Variants in PRRG1 observed in about 807,000 individuals in gnomAD.
The protein encoded by PRRG1 is transmembrane gamma-carboxyglutamic acid protein 1.
In PRRG1, 5 loss-of-function variants were observed where a neutral mutation model predicts 11.8. The ratio of observed to expected loss-of-function variants is 0.42; its 90% CI spans 0.22 to 0.89. The LOEUF (loss-of-function observed/expected upper bound fraction) is 0.89. Among genes scored for constraint, PRRG1 ranks in the 40% least tolerant of loss-of-function variants. The pLI is 0.28. For missense variants in PRRG1, 155 were observed against 166.1 expected (o/e 0.93, Z 0.37); for synonymous variants, 66 against 60.4 (o/e 1.09, Z -0.43).
chrX:37,435,623 C>G (rs1569448555), intron 3 of PRRG1, among the ~76,000 whole-genome samples: 1 of 110,597 alleles, frequency 9.0e-6, no homozygotes, highest in African/African-American at 3.3e-5. Flanking sequence ...TCCATCACCG[C>G]AAACTCATAA....
At chrX:37,391,982 CTTG>C (rs1291504333) in intron 1 of PRRG1, among the ~76,000 whole-genome samples, 2 of 108,821 alleles carry the variant, frequency 1.8e-5, no homozygotes, top group Non-Finnish European at 3.8e-5. Context: ...ACTGGGCTTC[CTTG>C]TTTTTTTTTT....
intron 1 of PRRG1, among the ~76,000 whole-genome samples, chrX:37,371,010 A>T (rs925613910): frequency 9.0e-6 from 1 of 111,271 alleles, no homozygotes; most frequent in Non-Finnish European, 1.9e-5. Flanking sequence ...GTAGAAAGGG[A>T]TAGGTCACCA....
In PRRG1 at chrX:37,446,277, T is replaced by G. The variant is rs187519930; in HGVS notation, c.172-6859T>G. 1.3e-4 allele frequency among the ~76,000 whole-genome samples: 15 copies of G among 111,827 alleles called. No homozygotes were observed. In the East Asian group the frequency reaches 2.8e-3, roughly 21 times the overall value. On this transcript the variant is annotated intron_variant, in intron 3 of 3. Transcript: ENST00000378628. ...CTTATTAAGGCAATACTGAATTTTTTGGGGGGTTGGTGAGTAACAATGTGT... is the reference window on the plus strand; with the variant it reads ...CTTATTAAGGCAATACTGAATTTTTGGGGGGGTTGGTGAGTAACAATGTGT...
intron 1 of PRRG1, among the ~76,000 whole-genome samples, chrX:37,363,657 T>A (rs1930481198): frequency 8.9e-6 from 1 of 112,394 alleles, no homozygotes; most frequent in South Asian, 3.7e-4. Context: ...AAGGAAAAGA[T>A]CAGTTTAAAT....
rs782348519 is a variant in PRRG1, at chrX:37,377,408, C to T, written c.-42+28013C>T. Among the ~76,000 whole-genome samples the T allele has an allele frequency of 2.7e-5, 3 of 111,779 alleles. No individual in the cohort carries two copies. In the East Asian group the frequency reaches 8.4e-4, roughly 31 times the overall value. On this transcript the variant is annotated intron_variant, in intron 1 of 3. Transcript: ENST00000378628. ...AAAGATGTGTATCAAAATTAGGAGGCTTATAGAGAGTCTCAAGTAATTAAG... is the reference window on the plus strand; with the variant it reads ...AAAGATGTGTATCAAAATTAGGAGGTTTATAGAGAGTCTCAAGTAATTAAG...
intron 3 of PRRG1, among the ~76,000 whole-genome samples, chrX:37,432,189 G>A (rs782385350): frequency 5.2e-4 from 57 of 109,234 alleles, no homozygotes; most frequent in Non-Finnish European, 4.9e-4. Context: ...CCGGGTTCAC[G>A]CCATTCTCCT....
At chrX:37,377,340 A>C (rs1298979017) in intron 1 of PRRG1, among the ~76,000 whole-genome samples, 1 of 111,899 alleles carries the variant, frequency 8.9e-6, no homozygotes, top group Non-Finnish European at 1.9e-5. Context: ...TTTCTGCCTC[A>C]TATGATAGCC....
chrX:37,456,131 G>A lies in PRRG1; in HGVS notation c.*2510G>A, dbSNP rs1348882901. On this transcript the variant is annotated 3_prime_UTR_variant, in exon 4 of 4. Coordinates refer to ENST00000378628, the MANE Select transcript of PRRG1 (RefSeq NM_001142395.2). ...TAATGGGTTTACTATGTTTAAATAA[G>A]TTAATACTTTAAAAATTTTCAGGTT... 1 of 111,779 alleles carries A rather than the reference G, an allele frequency of 8.9e-6. No individual in the cohort carries two copies. Among genetic ancestry groups the A allele is most frequent in the Non-Finnish European group, 1.9e-5 (1 of 53,166 alleles). The allele number at this position is 111,779 out of a possible 1,213,427, so 9.2% of individuals were successfully genotyped here.
chrX:37,410,254 C>T (rs1203178379), intron 2 of PRRG1, among the ~76,000 whole-genome samples: 3 of 111,568 alleles, frequency 2.7e-5, no homozygotes, highest in Non-Finnish European at 3.8e-5. Flanking sequence ...GTAAGACAAC[C>T]CTATGTTGTA....
In PRRG1 at chrX:37,377,528, A is replaced by T. The variant is rs781931005; in HGVS notation, c.-42+28133A>T. 2.8e-4 allele frequency among the ~76,000 whole-genome samples: 31 copies of T among 111,965 alleles called. No homozygotes were observed. The South Asian group carries it at 0.012, about 42-fold the overall frequency. On this transcript the variant is annotated intron_variant, in intron 1 of 3. Transcript: ENST00000378628. Reference sequence around the variant, plus strand: ...AAATCCTCAAAATACAACTTGAAAGACTTTTGACTTTTAGCCCATTATCCT... The same window carrying T: ...AAATCCTCAAAATACAACTTGAAAGTCTTTTGACTTTTAGCCCATTATCCT...
chrX:37,409,973 A>C (rs1932309962), intron 2 of PRRG1, among the ~76,000 whole-genome samples: 1 of 112,185 alleles, frequency 8.9e-6, no homozygotes, highest in South Asian at 3.7e-4. Context: ...GTGTTAGAAG[A>C]ATCATTCGTT....
chrX:37,436,981 A>G (rs1602032575), intron 3 of PRRG1, among the ~76,000 whole-genome samples: 1 of 112,395 alleles, frequency 8.9e-6, no homozygotes, highest in South Asian at 3.7e-4. Flanking sequence ...AACCTCTTGA[A>G]AATAAGTTAA....
chrX:37,438,272 C>T (rs1193188880), intron 3 of PRRG1, among the ~76,000 whole-genome samples: 1 of 110,163 alleles, frequency 9.1e-6, no homozygotes, highest in Non-Finnish European at 1.9e-5. Flanking sequence ...AATATAGCTA[C>T]TTTGATAAAT....
rs957523962 is a variant in PRRG1 at position 37,456,721 on chromosome X, A to T, written c.*3100A>T. 8.9e-6 allele frequency: 1 copy of T among 112,494 alleles called. No individual in the cohort carries two copies. The highest frequency in any genetic ancestry group is 1.9e-5 in the Non-Finnish European group (1 of 53,282). 9.3% of individuals were successfully genotyped at this position (112,494 alleles called of 1,213,427 possible). ...TAAAATTAAGGGGTTTGTTTGGAAT[A>T]ATATATATTTTTTATGCTTTTGTCT... On this transcript the variant is annotated 3_prime_UTR_variant, in exon 4 of 4. Transcript: ENST00000378628.
intron 3 of PRRG1, among the ~76,000 whole-genome samples, chrX:37,442,424 A>C (rs1369516838): frequency 9.4e-6 from 1 of 106,044 alleles, no homozygotes; most frequent in Non-Finnish European, 1.9e-5. Flanking sequence ...TCCCCTTATA[A>C]ACTCTGAGGG....
chrX:37,445,564 T>C (rs1431990618), intron 3 of PRRG1, among the ~76,000 whole-genome samples: 1 of 112,614 alleles, frequency 8.9e-6, no homozygotes, highest in Non-Finnish European at 1.9e-5. Flanking sequence ...CATGCCCCCA[T>C]GCACATACTG....
At chrX:37,357,663 G>A (rs1279220477) in intron 1 of PRRG1, among the ~76,000 whole-genome samples, 17 of 111,757 alleles carry the variant, frequency 1.5e-4, no homozygotes, top group Admixed American at 1.1e-3. Flanking sequence ...TATGCCTTTC[G>A]CCCATTAGTC....
chrX:37,381,802 A>G (rs782313300), intron 1 of PRRG1, among the ~76,000 whole-genome samples: 2 of 111,984 alleles, frequency 1.8e-5, no homozygotes, highest in East Asian at 5.5e-4. Flanking sequence ...ATTGGTGTAC[A>G]TATTTCCTTT....
rs1291328741 is a variant in PRRG1, at chrX:37,449,123, G to C, written c.172-4013G>C. ...ACACTTGCTTGGATTTTCCAACTTG[G>C]GGGTATTTCTGCCTTCTACTCTCAA... On this transcript the variant is annotated intron_variant, in intron 3 of 3. Coordinates refer to ENST00000378628, the MANE Select transcript of PRRG1 (RefSeq NM_001142395.2). 2.7e-5 allele frequency among the ~76,000 whole-genome samples: 3 copies of C among 111,566 alleles called. No homozygotes were observed. In the East Asian group the frequency reaches 8.4e-4, roughly 31 times the overall value.
Sources: allele counts gnomAD v4.1 joint callset (sites outside exome capture counted in the v4.1 genomes callset), GRCh38; gene constraint gnomAD v4.1.1; transcripts MANE v1.5; gene names NCBI Gene and HGNC (gene_info 2026-07-23, HGNC 2026-07-21).